Variants in IL1RAPL1 observed in about 807,000 individuals in gnomAD.
IL1RAPL1 encodes interleukin 1 receptor accessory protein like 1, also known as interleukin-1 receptor accessory protein-like 1.
IL1RAPL1 carries 3 observed loss-of-function variants against 48.4 expected under a neutral mutation model. The observed-to-expected ratio is 0.06, with a 90% confidence interval of 0.03 to 0.16. The LOEUF is 0.16. Ranked by LOEUF, IL1RAPL1 falls within the 10% of genes least tolerant of loss-of-function variation. The probability of loss-of-function intolerance (pLI) is 1.00; values close to 1 mark genes in which losing one functional copy is unlikely to be tolerated. For missense variants in IL1RAPL1, 349 were observed against 530.6 expected, an observed-to-expected ratio of 0.66 and a Z score of 3.36; for synonymous variants, 185 against 187.7, an observed-to-expected ratio of 0.99 and a Z score of 0.12.
intron 6 of IL1RAPL1, among the ~76,000 whole-genome samples, chrX:29,803,574 C>T (rs1238673119): frequency 1.0e-5 from 1 of 97,088 alleles, no homozygotes; most frequent in Admixed American, 1.1e-4. Context: ...TATATGTATA[C>T]ATATATGTAT....
At chrX:29,436,573 G>C (rs1318028761) in intron 5 of IL1RAPL1, among the ~76,000 whole-genome samples, 1 of 109,400 alleles carries the variant, frequency 9.1e-6, no homozygotes, top group Admixed American at 9.8e-5. Context: ...GTTCCCACTT[G>C]TGTAGGAGAC....
chrX:29,949,429 T>TC (rs1271679917), intron 9 of IL1RAPL1, among the ~76,000 whole-genome samples: 3 of 111,889 alleles, frequency 2.7e-5, no homozygotes, highest in Non-Finnish European at 5.6e-5. Context: ...GTGGAGCATA[T>TC]CTGCCGGGGT....
At chrX:29,159,189 A>G (rs2147504289) in intron 2 of IL1RAPL1, among the ~76,000 whole-genome samples, 1 of 110,378 alleles carries the variant, frequency 9.1e-6, no homozygotes, top group Admixed American at 9.8e-5. Context: ...ATGTTTATAG[A>G]ATGCCATTTA....
rs181283312 is a variant in IL1RAPL1 at position 29,953,285 on chromosome X, G to C, written c.1202-1237G>C. On this transcript the variant is annotated intron_variant, in intron 9 of 10. Transcript: ENST00000378993. ...TATTGGTAGACTCAGCATATCAACA[G>C]TATTTAAAATTTAAGTGAACTATGA... Among the ~76,000 whole-genome samples, 18 of 111,907 alleles carry C rather than the reference G, an allele frequency of 1.6e-4. 1 individual carries two copies. The highest frequency in any genetic ancestry group is 1.9e-5 in the Non-Finnish European group (1 of 53,124).
Position 29,144,977 on chromosome X carries a change from C to T in IL1RAPL1, c.83-137961C>T, listed in dbSNP as rs564174110. Among the ~76,000 whole-genome samples, 45 of 110,343 alleles carry T rather than the reference C, an allele frequency of 4.1e-4. No individual in the cohort carries two copies. In the South Asian group the frequency reaches 0.018, roughly 44 times the overall value. ...CTCCTGACTTCAAGTGATCTGCCCG[C>T]CTTGACCTCCTAAAGTGCTGGGATT... On this transcript the variant is annotated intron_variant, in intron 2 of 10. Transcript: ENST00000378993.
chrX:28,716,184 G>T (rs1398847021), intron 1 of IL1RAPL1, among the ~76,000 whole-genome samples: 2 of 111,766 alleles, frequency 1.8e-5, no homozygotes, highest in South Asian at 7.4e-4. Flanking sequence ...AGGAACATAC[G>T]TCAAAATAAT....
At chrX:29,043,385 C>CT (rs888232180) in intron 2 of IL1RAPL1, among the ~76,000 whole-genome samples, 1 of 109,204 alleles carries the variant, frequency 9.2e-6, no homozygotes, top group African/African-American at 3.3e-5. Flanking sequence ...CAGATGTGAT[C>CT]TTTTTTTTTC....
intron 5 of IL1RAPL1, among the ~76,000 whole-genome samples, chrX:29,491,164 G>T (rs191490826): frequency 8.1e-5 from 9 of 111,251 alleles, no homozygotes; most frequent in African/African-American, 3.0e-4. Flanking sequence ...AATGCCTTTA[G>T]CAATTTGAAG....
intron 5 of IL1RAPL1, among the ~76,000 whole-genome samples, chrX:29,503,505 G>T: frequency 8.9e-6 from 1 of 111,785 alleles, no homozygotes; most frequent in Non-Finnish European, 1.9e-5. Flanking sequence ...AACTTTGCTA[G>T]TAGTACTGCT....
At chrX:29,179,335 G>A (rs1348379565) in intron 2 of IL1RAPL1, among the ~76,000 whole-genome samples, 5 of 111,217 alleles carry the variant, frequency 4.5e-5, no homozygotes, top group Admixed American at 3.8e-4. Context: ...TGGATTCCTA[G>A]GTATTTTATT....
At chrX:29,880,204 G>A (rs1931996693) in intron 6 of IL1RAPL1, among the ~76,000 whole-genome samples, 1 of 111,346 alleles carries the variant, frequency 9.0e-6, no homozygotes, top group Non-Finnish European at 1.9e-5. Flanking sequence ...CCTTAAAAAC[G>A]AGGGCATGAT....
intron 2 of IL1RAPL1, among the ~76,000 whole-genome samples, chrX:28,837,456 AAAAAT>A (rs1334932827): frequency 9.0e-6 from 1 of 110,764 alleles, no homozygotes; most frequent in Non-Finnish European, 1.9e-5. Context: ...TCTATTTAGA[AAAAAT>A]AAAATGTAGT....
At chrX:28,753,021 C>T (rs781537690) in intron 1 of IL1RAPL1, among the ~76,000 whole-genome samples, 17 of 112,195 alleles carry the variant, frequency 1.5e-4, no homozygotes, top group Non-Finnish European at 3.2e-4. Context: ...AGTCTGTAGA[C>T]TATAGGTAGG....
intron 3 of IL1RAPL1, among the ~76,000 whole-genome samples, chrX:29,394,019 C>T (rs1933891901): frequency 9.1e-6 from 1 of 109,686 alleles, no homozygotes. Context: ...AAAGCTGTTT[C>T]TTTTTCAGTG....
intron 6 of IL1RAPL1, among the ~76,000 whole-genome samples, chrX:29,727,207 A>C (rs751571833): frequency 1.8e-5 from 2 of 112,358 alleles, no homozygotes; most frequent in Non-Finnish European, 3.8e-5. Flanking sequence ...ACATTGAGGA[A>C]GAAAATAAGC....
chrX:29,621,867 A>T (rs1176348013), intron 5 of IL1RAPL1, among the ~76,000 whole-genome samples: 1 of 111,685 alleles, frequency 9.0e-6, no homozygotes, highest in East Asian at 2.8e-4. Context: ...ACTAGGTCTT[A>T]TTTTTTTCTA....
chrX:29,161,705 G>A (rs767407975), intron 2 of IL1RAPL1, among the ~76,000 whole-genome samples: 2 of 112,078 alleles, frequency 1.8e-5, no homozygotes, highest in South Asian at 7.5e-4. Flanking sequence ...ATAAATATCT[G>A]TTGAGATGCT....
intron 2 of IL1RAPL1, among the ~76,000 whole-genome samples, chrX:28,842,467 T>A (rs1235055444): frequency 9.0e-6 from 1 of 110,829 alleles, no homozygotes; most frequent in Non-Finnish European, 1.9e-5. Context: ...CCAAATTCCT[T>A]AACTGTTGAA....
At chrX:28,973,220 C>T (rs1925127219) in intron 2 of IL1RAPL1, among the ~76,000 whole-genome samples, 2 of 111,886 alleles carry the variant, frequency 1.8e-5, no homozygotes, top group African/African-American at 6.5e-5. Flanking sequence ...GAGCACTTTT[C>T]TTCTTACTTT....
Sources: allele counts gnomAD v4.1 joint callset (sites outside exome capture counted in the v4.1 genomes callset), GRCh38; gene constraint gnomAD v4.1.1; transcripts MANE v1.5; gene names NCBI Gene and HGNC (gene_info 2026-07-23, HGNC 2026-07-21).